DHX35: variants seen among roughly 807,000 people sequenced by gnomAD.
DHX35 encodes DEAH-box helicase 35, also known as probable ATP-dependent RNA helicase DHX35.
A neutral mutation model predicts 99.6 loss-of-function variants in DHX35; 84 were observed. That is an observed-to-expected ratio of 0.84 (90% CI 0.71 to 1.01). The LOEUF is 1.01. DHX35 is among the 50% of genes least tolerant of loss of function. The pLI is 0.00. For missense variants in DHX35, 852 were observed against 888.5 expected, an observed-to-expected ratio of 0.96 and a Z score of 0.52; for synonymous variants, 331 against 316.2, an observed-to-expected ratio of 1.05 and a Z score of -0.50.
chr20:38,977,491 C>T (rs563434531), intron 3 of DHX35, among the ~76,000 whole-genome samples: 2 of 152,072 alleles, frequency 1.3e-5, no homozygotes, highest in African/African-American at 2.4e-5. Context: ...ATATTTTTGT[C>T]TCCCCACCAT....
At chr20:38,967,886 A>G (rs2085932802) in intron 1 of DHX35, among the ~76,000 whole-genome samples, 1 of 152,062 alleles carries the variant, frequency 6.6e-6, no homozygotes, top group African/African-American at 2.4e-5. Context: ...GATTGGACCT[A>G]AGCTGGGAGA....
Position 38,979,706 on chromosome 20 carries a change from G to A in DHX35, c.268-3993G>A, listed in dbSNP as rs528202455. 2.0e-5 allele frequency among the ~76,000 whole-genome samples: 3 copies of A among 152,254 alleles called. No individual in the cohort carries two copies. The South Asian group carries it at 6.2e-4, about 32-fold the overall frequency. The stretch of plus-strand genomic sequence containing the variant: ...AACTAAAGGTTACAGCAAGGATACG[G>A]AGCAGGTTTTTCTCTCTTGTTAGAT... On this transcript the variant is annotated intron_variant, in intron 3 of 21. Coordinates refer to ENST00000252011, the MANE Select transcript of DHX35 (RefSeq NM_021931.4).
intron 4 of DHX35, 55 bp from the exon 5 acceptor site, chr20:38,988,758 G>A (rs1482072856): frequency 6.2e-7 from 1 of 1,609,232 alleles, no homozygotes; most frequent in South Asian, 1.1e-5. Context: ...CATAGTATGT[G>A]CGCTGTGCAG....
In DHX35 at chr20:39,034,222, GT is replaced by G; in HGVS notation, c.1974del (p.Ile659TyrfsTer8). ...TCATTTCAGGGTCATCTATAACGAA[GT>G]TATACAGACCTCCAAGTACTACATG... ...KPPRWVIYNE[V>X]IQTSKYYMRD... On this transcript the variant is annotated frameshift_variant, in exon 21 of 22. Coordinates refer to ENST00000252011, the MANE Select transcript of DHX35 (RefSeq NM_021931.4). LOFTEE classifies it high-confidence loss of function. The G allele has an allele frequency of 1.2e-6, 2 of 1,613,928 alleles. No homozygotes were observed. Among genetic ancestry groups the G allele is most frequent in the Non-Finnish European group, 1.7e-6 (2 of 1,179,932 alleles).
chr20:38,994,631 A>ATCCC (rs1568731897), intron 7 of DHX35, among the ~76,000 whole-genome samples, 190 bp from the exon 8 acceptor site: 1 of 74,400 alleles, frequency 1.3e-5, no homozygotes, highest in East Asian at 4.3e-4. Flanking sequence ...TAGTGTAATG[A>ATCCC]CCCCCCCCCC....
At chr20:39,015,162 A>C (rs997432109) in intron 14 of DHX35, among the ~76,000 whole-genome samples, 1 of 152,200 alleles carries the variant, frequency 6.6e-6, no homozygotes. Context: ...GTTCGTCAGA[A>C]GCTATTAGTA....
chr20:38,985,374 CAAA>C (rs58084339), intron 4 of DHX35, among the ~76,000 whole-genome samples: 31 of 73,890 alleles, frequency 4.2e-4, no homozygotes, highest in East Asian at 1.0e-3. Context: ...ACCCTATCTC[CAAA>C]AAAAAAAAAA....
At chr20:39,038,263 C>G (rs1231530950) in intron 21 of DHX35, among the ~76,000 whole-genome samples, 2 of 152,214 alleles carry the variant, frequency 1.3e-5, no homozygotes, top group Admixed American at 1.3e-4. Flanking sequence ...CCCTGTATAA[C>G]CAGCTTCAGC....
At chr20:39,018,671 G>T in intron 14 of DHX35, 133 bp from the exon 15 acceptor site, 1 of 824,718 alleles carries the variant, frequency 1.2e-6, no homozygotes, top group Non-Finnish European at 2.0e-6. Flanking sequence ...AATGGAGTTT[G>T]GTGTAGTGCA....
At chr20:39,003,430 T>A (rs2145898169) in intron 10 of DHX35, among the ~76,000 whole-genome samples, 1 of 152,358 alleles carries the variant, frequency 6.6e-6, no homozygotes. Flanking sequence ...TCTATATGCA[T>A]GAGATGCTTG....
At chr20:38,973,319 G>T (rs1195212053) in intron 3 of DHX35, among the ~76,000 whole-genome samples, 4 of 152,110 alleles carry the variant, frequency 2.6e-5, no homozygotes, top group African/African-American at 9.7e-5. Flanking sequence ...ATTTTCTTGA[G>T]GTATGACATA....
At chr20:39,022,457 A>G (rs1427522667) in intron 16 of DHX35, among the ~76,000 whole-genome samples, 1 of 152,110 alleles carries the variant, frequency 6.6e-6, no homozygotes, top group Non-Finnish European at 1.5e-5. Context: ...TGCCCGGCCT[A>G]TTATCATATT....
chr20:38,975,865 A>G (rs1041731886), intron 3 of DHX35, among the ~76,000 whole-genome samples: 2 of 152,214 alleles, frequency 1.3e-5, no homozygotes, highest in African/African-American at 4.8e-5. Flanking sequence ...TTCTGTTCAC[A>G]TTTCATTGGT....
intron 21 of DHX35, among the ~76,000 whole-genome samples, chr20:39,037,485 C>A (rs1389613198): frequency 6.6e-6 from 1 of 152,132 alleles, no homozygotes; most frequent in Non-Finnish European, 1.5e-5. Context: ...TCACGTCATA[C>A]CTGGTGGTGC....
chr20:38,999,091 C>T (rs1329833673), intron 8 of DHX35, among the ~76,000 whole-genome samples: 1 of 152,094 alleles, frequency 6.6e-6, no homozygotes, highest in Admixed American at 6.5e-5. Context: ...CGCATCCGGC[C>T]GAGTCTTAAT....
At chr20:38,992,283 C>A in intron 6 of DHX35, 73 bp from the exon 7 acceptor site, 1 of 1,260,810 alleles carries the variant, frequency 7.9e-7, no homozygotes, top group Non-Finnish European at 1.2e-6. Flanking sequence ...TACCCAGAAG[C>A]TCTTTGATGG....
intron 3 of DHX35, 41 bp downstream of exon 3, chr20:38,972,692 G>C (rs765346994): frequency 7.0e-7 from 1 of 1,438,592 alleles, no homozygotes; most frequent in South Asian, 1.2e-5. Flanking sequence ...CTTCGATTTG[G>C]CTGGAAGAAT....
Position 39,038,634 on chromosome 20 carries a change from C to G in DHX35, c.*91C>G. The G allele has an allele frequency of 7.4e-7, 1 of 1,358,852 alleles. No homozygotes were observed. Among genetic ancestry groups the G allele is most frequent in the Non-Finnish European group, 1.0e-6 (1 of 981,300 alleles). The allele number at this position is 1,358,852 out of a possible 1,614,324, so 84.2% of individuals were successfully genotyped here. A position where few individuals can be genotyped will look rare whatever the true frequency, so the allele number is the denominator to read the frequency against. ...CCCAGGTGGGGTGAGCTGGCACCAG[C>G]TCCTGTGGAATGTTTGGTTGCTCTG... On this transcript the variant is annotated 3_prime_UTR_variant, in exon 22 of 22. Transcript: ENST00000252011.
intron 15 of DHX35, among the ~76,000 whole-genome samples, chr20:39,019,121 C>G (rs2086833694): frequency 6.6e-6 from 1 of 152,152 alleles, no homozygotes; most frequent in Non-Finnish European, 1.5e-5. Flanking sequence ...ATTTCTAGAA[C>G]TTTTTCCATC....
Sources: gnomAD v4.1 joint callset for allele counts (sites outside exome capture counted in the v4.1 genomes callset) on GRCh38, gnomAD v4.1.1 for gene constraint, MANE v1.5 for transcripts, NCBI Gene and HGNC (gene_info 2026-07-23, HGNC 2026-07-21) for gene names.